The following CCDC7 variants were observed in gnomAD, a reference collection of about 807,000 sequenced individuals.
CCDC7 encodes coiled-coil domain-containing protein 7.
A neutral mutation model predicts 196.9 loss-of-function variants in CCDC7; 183 were observed. The ratio of observed to expected loss-of-function variants is 0.93; its 90% CI spans 0.82 to 1.05. The LOEUF is 1.05. Ranked by LOEUF, CCDC7 falls within the 50% of genes least tolerant of loss-of-function variation. The pLI is 0.00. For missense variants in CCDC7, 1,540 were observed against 1,482.2 expected (o/e 1.04, Z -0.64); for synonymous variants, 525 against 484.6 (o/e 1.08, Z -1.10).
intron 5 of CCDC7, among the ~76,000 whole-genome samples, chr10:32,467,278 T>G (rs1169372377): frequency 6.6e-6 from 1 of 151,682 alleles, no homozygotes; most frequent in Non-Finnish European, 1.5e-5. Flanking sequence ...ATTTTTTTTT[T>G]TTTTTTGTAT....
chr10:32,511,582 T>C, intron 9 of CCDC7: 1 of 1,605,714 alleles, frequency 6.2e-7, no homozygotes, highest in Non-Finnish European at 8.5e-7. Context: ...AATCCACTTT[T>C]GCTTGTTCAA....
chr10:32,859,654 A>G (rs73264324), intron 41 of CCDC7, among the ~76,000 whole-genome samples: 5,824 of 152,168 alleles, frequency 0.038, 388 homozygotes, highest in African/African-American at 0.13. Context: ...TCAACAAAAT[A>G]AATAGGCCAC....
chr10:32,708,636 C>G lies in CCDC7; in HGVS notation c.2459-2984C>G, dbSNP rs565462676. 3.9e-5 allele frequency among the ~76,000 whole-genome samples: 6 copies of G among 152,250 alleles called. No individual in the cohort carries two copies. The South Asian group carries it at 1.2e-3, about 32-fold the overall frequency. On this transcript the variant is annotated intron_variant, in intron 24 of 41. Transcript: ENST00000639629. ...AACAAATTTACAAGAAAAAATCAAACAACCCCATCAAAAAGTGGGCGAAGC... is the reference window on the plus strand; with the variant it reads ...AACAAATTTACAAGAAAAAATCAAAGAACCCCATCAAAAAGTGGGCGAAGC...
At chr10:32,726,973 T>G in intron 26 of CCDC7, 141 bp downstream of exon 27, 1 of 545,902 alleles carries the variant, frequency 1.8e-6, no homozygotes. Context: ...TTAAGATAAG[T>G]AGAGAGCAAA....
intron 9 of CCDC7, chr10:32,514,725 G>T (rs1011301630): frequency 6.6e-6 from 1 of 152,206 alleles, no homozygotes; most frequent in African/African-American, 2.4e-5. Context: ...AGAAATGCAA[G>T]ACTTGGGCAC....
intron 8 of CCDC7, among the ~76,000 whole-genome samples, chr10:32,482,114 T>A (rs1231303442): frequency 5.3e-5 from 8 of 151,986 alleles, no homozygotes; most frequent in East Asian, 1.9e-4. Context: ...TCTTTTTTTT[T>A]AATTCCTATA....
intron 18 of CCDC7, among the ~76,000 whole-genome samples, chr10:32,588,133 A>C (rs542925382): frequency 6.6e-6 from 1 of 152,308 alleles, no homozygotes; most frequent in East Asian, 1.9e-4. Context: ...TCCTACCAGC[A>C]AGGAGGCACT....
rs141368719 is a variant in CCDC7, at chr10:32,809,972, C to T, written c.3098-4398C>T. ...TATTCACAATAGCAAAAACTGGGAA[C>T]GAACTCAAATGTCTATCAGTGATAG... On this transcript the variant is annotated intron_variant, in intron 30 of 41. Coordinates refer to ENST00000639629, the Ensembl canonical transcript of CCDC7. 6.1e-3 allele frequency among the ~76,000 whole-genome samples: 925 copies of T among 152,066 alleles called. 10 individuals carry two copies. The highest frequency in any genetic ancestry group is 0.021 in the African/African-American group (872 of 41,458).
intron 9 of CCDC7, chr10:32,512,634 A>G (rs2046393266): frequency 6.6e-6 from 1 of 152,238 alleles, no homozygotes; most frequent in South Asian, 2.1e-4. Flanking sequence ...TTCAACTCCC[A>G]AAACTGAAAA....
intron 5 of CCDC7, 90 bp downstream of exon 6, chr10:32,463,139 G>A: frequency 4.0e-6 from 6 of 1,496,650 alleles, no homozygotes; most frequent in Non-Finnish European, 4.5e-6. Flanking sequence ...GTATGTATAA[G>A]TCATTTTTGA....
chr10:32,608,856 C>G (rs1564815293), intron 18 of CCDC7, among the ~76,000 whole-genome samples: 1 of 152,166 alleles, frequency 6.6e-6, no homozygotes, highest in African/African-American at 2.4e-5. Flanking sequence ...TGATTCCCAT[C>G]TTAATTTCTT....
chr10:32,742,732 C>T (rs1350281584), intron 28 of CCDC7, among the ~76,000 whole-genome samples: 1 of 152,154 alleles, frequency 6.6e-6, no homozygotes, highest in South Asian at 2.1e-4. Context: ...GAAGGGCTCT[C>T]CTTAGTTGTA....
At chr10:32,701,565 T>C (rs1470902556) in intron 24 of CCDC7, among the ~76,000 whole-genome samples, 1 of 152,308 alleles carries the variant, frequency 6.6e-6, no homozygotes, top group South Asian at 2.1e-4. Context: ...TCTTTTTCTA[T>C]TGATTGGAAT....
At chr10:32,804,919 G>T in intron 29 of CCDC7, 96 bp from the exon 31 acceptor site, 3 of 711,364 alleles carry the variant, frequency 4.2e-6, no homozygotes, top group South Asian at 1.9e-5. Context: ...AACAAAGGCT[G>T]ATTAATTTAA....
chr10:32,856,959 C>G (rs922711662), intron 41 of CCDC7, among the ~76,000 whole-genome samples: 21 of 152,200 alleles, frequency 1.4e-4, no homozygotes, highest in Middle Eastern at 6.8e-3. Flanking sequence ...GGCAGTTCAA[C>G]AAGACACTGA....
At chr10:32,607,150 C>T (rs2061636607) in intron 18 of CCDC7, among the ~76,000 whole-genome samples, 1 of 152,114 alleles carries the variant, frequency 6.6e-6, no homozygotes, top group Admixed American at 6.5e-5. Context: ...CCTGCTTTCT[C>T]CATGGGAGAC....
intron 21 of CCDC7, among the ~76,000 whole-genome samples, chr10:32,672,503 G>A (rs986527554): frequency 6.6e-6 from 1 of 152,210 alleles, no homozygotes; most frequent in South Asian, 2.1e-4. Context: ...CATGGGGTTA[G>A]AGGAGGTGGT....
chr10:32,731,836 A>T (rs2084021540), intron 28 of CCDC7, among the ~76,000 whole-genome samples: 1 of 152,116 alleles, frequency 6.6e-6, no homozygotes, highest in Non-Finnish European at 1.5e-5. Context: ...GGCTGATCAC[A>T]AGTTCAGGAG....
Position 32,872,635 on chromosome 10 carries a change from G to A in CCDC7, c.4112-3712G>A, listed in dbSNP as rs571586772. 5.6e-4 allele frequency among the ~76,000 whole-genome samples: 85 copies of A among 151,974 alleles called. 1 individual carries two copies. Among genetic ancestry groups the A allele is most frequent in the African/African-American group, 1.3e-3 (53 of 41,440 alleles). ...GTTGATGCAGTTTCTTCCTAGCATCGATGGTCTTTACAATTTGGCATGTTT... is the reference window on the plus strand; with the variant it reads ...GTTGATGCAGTTTCTTCCTAGCATCAATGGTCTTTACAATTTGGCATGTTT... On this transcript the variant is annotated intron_variant, in intron 41 of 41. Coordinates refer to ENST00000639629, the Ensembl canonical transcript of CCDC7.
Sources: allele counts gnomAD v4.1 joint callset (sites outside exome capture counted in the v4.1 genomes callset), GRCh38; gene constraint gnomAD v4.1.1; transcripts MANE v1.5; gene names NCBI Gene and HGNC (gene_info 2026-07-23, HGNC 2026-07-21).